Variants in ALCAM observed in about 807,000 individuals in gnomAD.
ALCAM encodes the protein CD166 antigen.
ALCAM carries 30 observed loss-of-function variants against 70.9 expected under a neutral mutation model. The ratio of observed to expected loss-of-function variants is 0.42; its 90% CI spans 0.32 to 0.57. The LOEUF (loss-of-function observed/expected upper bound fraction) is 0.57. Among genes scored for constraint, ALCAM ranks in the 20% least tolerant of loss-of-function variants. The probability of loss-of-function intolerance (pLI) is 0.11; values close to 1 mark genes in which losing one functional copy is unlikely to be tolerated. For missense variants in ALCAM, 591 were observed against 695.1 expected (o/e 0.85, Z 1.68); for synonymous variants, 249 against 242.5 (o/e 1.03, Z -0.25).
rs1007725055 is a variant in ALCAM at position 105,525,205 on chromosome 3, G to A, written c.394+697G>A. On this transcript the variant is annotated intron_variant, in intron 3 of 15. Coordinates refer to ENST00000306107, the MANE Select transcript of ALCAM (RefSeq NM_001627.4). ...AATGCTTATGTGGGATACACCAAGGGGAGAAAGTAGAGTAGTGATGGAAGA... is the reference window on the plus strand; with the variant it reads ...AATGCTTATGTGGGATACACCAAGGAGAGAAAGTAGAGTAGTGATGGAAGA... 9.1e-6 allele frequency: 9 copies of A among 984,996 alleles called. No individual in the cohort carries two copies. In the African/African-American group the frequency reaches 1.4e-4, roughly 15 times the overall value. 61.0% of individuals were successfully genotyped at this position (984,996 alleles called of 1,614,324 possible). A position where few individuals can be genotyped will look rare whatever the true frequency, so the allele number is the denominator to read the frequency against.
chr3:105,516,402 A>C (rs925950943), intron 1 of ALCAM, among the ~76,000 whole-genome samples: 35 of 151,976 alleles, frequency 2.3e-4, no homozygotes, highest in Non-Finnish European at 5.0e-4. Flanking sequence ...TTCTATACAA[A>C]ACATATTACT....
At chr3:105,511,352 T>G (rs1243469326) in intron 1 of ALCAM, among the ~76,000 whole-genome samples, 2 of 152,034 alleles carry the variant, frequency 1.3e-5, no homozygotes, top group Admixed American at 1.3e-4. Context: ...TGTGACTATT[T>G]GTTTTATTTT....
intron 14 of ALCAM, among the ~76,000 whole-genome samples, chr3:105,569,905 G>GA (rs1296118071): frequency 6.6e-6 from 1 of 152,110 alleles, no homozygotes; most frequent in Non-Finnish European, 1.5e-5. Flanking sequence ...TTAGAAGCCT[G>GA]AAAGAACCAT....
intron 1 of ALCAM, among the ~76,000 whole-genome samples, chr3:105,473,693 G>A (rs1407978422): frequency 6.6e-6 from 1 of 151,514 alleles, no homozygotes; most frequent in Non-Finnish European, 1.5e-5. Flanking sequence ...TTTGTTATAT[G>A]CTTAGAGTTT....
At chr3:105,461,567 C>T (rs1218180110) in intron 1 of ALCAM, among the ~76,000 whole-genome samples, 1 of 151,596 alleles carries the variant, frequency 6.6e-6, no homozygotes, top group African/African-American at 2.4e-5. Flanking sequence ...GAGGTTTAAC[C>T]AAAATTATGT....
intron 14 of ALCAM, among the ~76,000 whole-genome samples, chr3:105,562,497 G>A (rs539838777): frequency 6.6e-6 from 1 of 152,148 alleles, no homozygotes; most frequent in East Asian, 1.9e-4. Flanking sequence ...AGTCTATTAT[G>A]ATGTATCATA....
chr3:105,503,429 C>T (rs1938977256), intron 1 of ALCAM, among the ~76,000 whole-genome samples: 1 of 152,158 alleles, frequency 6.6e-6, no homozygotes, highest in African/African-American at 2.4e-5. Context: ...CTGACTGAGG[C>T]TCATATCGAT....
At chr3:105,468,730 GT>G (rs1937824974) in intron 1 of ALCAM, among the ~76,000 whole-genome samples, 1 of 151,270 alleles carries the variant, frequency 6.6e-6, no homozygotes, top group Non-Finnish European at 1.5e-5. Flanking sequence ...GTTCAGTTCA[GT>G]TTTGTGGTGT....
intron 1 of ALCAM, among the ~76,000 whole-genome samples, chr3:105,425,309 G>A (rs757635035): frequency 6.6e-5 from 10 of 151,646 alleles, no homozygotes; most frequent in African/African-American, 1.5e-4. Flanking sequence ...CTGTGTGTGC[G>A]CCTGTGTGTA....
chr3:105,390,693 A>G (rs1935795278), intron 1 of ALCAM, among the ~76,000 whole-genome samples: 1 of 151,980 alleles, frequency 6.6e-6, no homozygotes. Flanking sequence ...CCTGAATGGT[A>G]TTGCCTAGAT....
chr3:105,381,782 A>G (rs1935527137), intron 1 of ALCAM, among the ~76,000 whole-genome samples: 1 of 151,874 alleles, frequency 6.6e-6, no homozygotes, highest in South Asian at 2.1e-4. Flanking sequence ...ATATTTTAAG[A>G]AACCAAAAGA....
chr3:105,378,658 T>C (rs1935438857), intron 1 of ALCAM, among the ~76,000 whole-genome samples: 1 of 151,618 alleles, frequency 6.6e-6, no homozygotes, highest in South Asian at 2.1e-4. Context: ...GAAATGCTTG[T>C]TTAGTATAAG....
At chr3:105,494,252 A>G (rs763031705) in intron 1 of ALCAM, among the ~76,000 whole-genome samples, 35 of 152,086 alleles carry the variant, frequency 2.3e-4, no homozygotes, top group Admixed American at 2.2e-3. Context: ...TCAATTTTCT[A>G]TTTTTCTTTA....
At chr3:105,450,672 T>C (rs1018264719) in intron 1 of ALCAM, among the ~76,000 whole-genome samples, 1 of 152,198 alleles carries the variant, frequency 6.6e-6, no homozygotes, top group Non-Finnish European at 1.5e-5. Context: ...TTTCTATATG[T>C]CTCAGACAGA....
At chr3:105,382,758 A>G (rs940910135) in intron 1 of ALCAM, among the ~76,000 whole-genome samples, 1 of 151,978 alleles carries the variant, frequency 6.6e-6, no homozygotes, top group African/African-American at 2.4e-5. Flanking sequence ...CTGTCTGTTC[A>G]TATCCTTTGC....
At chr3:105,471,889 G>A (rs1937941859) in intron 1 of ALCAM, among the ~76,000 whole-genome samples, 1 of 151,214 alleles carries the variant, frequency 6.6e-6, no homozygotes, top group South Asian at 2.1e-4. Flanking sequence ...CAGATCTCTT[G>A]AAGTCATTCC....
At chr3:105,570,486 A>G (rs527696179) in intron 14 of ALCAM, among the ~76,000 whole-genome samples, 1 of 152,278 alleles carries the variant, frequency 6.6e-6, no homozygotes, top group Non-Finnish European at 1.5e-5. Context: ...AAATTGGAAT[A>G]CACATCGATA....
At chr3:105,427,930 T>C (rs763834645) in intron 1 of ALCAM, among the ~76,000 whole-genome samples, 5 of 151,998 alleles carry the variant, frequency 3.3e-5, no homozygotes, top group Non-Finnish European at 5.9e-5. Context: ...AAACCTATTA[T>C]ACTTTTTTAA....
chr3:105,468,150 T>C (rs961958654), intron 1 of ALCAM, among the ~76,000 whole-genome samples: 3 of 151,360 alleles, frequency 2.0e-5, no homozygotes, highest in Non-Finnish European at 3.0e-5. Flanking sequence ...ACTAAACATG[T>C]ACCTGCAAAT....
Sources: gnomAD v4.1 joint callset for allele counts (sites outside exome capture counted in the v4.1 genomes callset) on GRCh38, gnomAD v4.1.1 for gene constraint, MANE v1.5 for transcripts, NCBI Gene and HGNC (gene_info 2026-07-23, HGNC 2026-07-21) for gene names.